Variants in PAK5 observed in about 807,000 individuals in gnomAD.
PAK5 encodes serine/threonine-protein kinase PAK 5.
PAK5 carries 16 observed loss-of-function variants against 65.9 expected under a neutral mutation model. That is an observed-to-expected ratio of 0.24 (90% CI 0.16 to 0.37). The LOEUF (loss-of-function observed/expected upper bound fraction) is 0.37. PAK5 is among the 10% of genes least tolerant of loss of function. The pLI, the probability that PAK5 is intolerant of heterozygous loss-of-function variation, is 1.00. For synonymous variants in PAK5, 371 were observed against 354.9 expected (o/e 1.05, Z -0.51); for missense variants, 785 against 903.9 (o/e 0.87, Z 1.69).
intron 1 of PAK5, among the ~76,000 whole-genome samples, chr20:9,761,127 T>C (rs2048694725): frequency 6.6e-6 from 1 of 152,108 alleles, no homozygotes; most frequent in Non-Finnish European, 1.5e-5. Context: ...GCAACAGAAG[T>C]TTAAAAGGAG....
chr20:9,787,000 T>C (rs1162797250), intron 1 of PAK5, among the ~76,000 whole-genome samples: 2 of 152,152 alleles, frequency 1.3e-5, no homozygotes, highest in Admixed American at 1.3e-4. Flanking sequence ...TATTTCTGAA[T>C]CACTCCTCAT....
intron 1 of PAK5, among the ~76,000 whole-genome samples, chr20:9,832,286 TAATGGTGACAGAGTATC>T (rs1215286794): frequency 6.6e-6 from 1 of 152,084 alleles, no homozygotes; most frequent in Admixed American, 6.5e-5. Flanking sequence ...TTCTTTTTTT[TAATGGTGACAGAGTATC>T]ACTCTGTCAC....
intron 2 of PAK5, among the ~76,000 whole-genome samples, chr20:9,648,788 T>C (rs1413407867): frequency 6.6e-6 from 1 of 152,212 alleles, no homozygotes; most frequent in Non-Finnish European, 1.5e-5. Flanking sequence ...GGCTGCCCTG[T>C]ATTTACCTTC....
chr20:9,700,262 T>C (rs181727462), intron 2 of PAK5, among the ~76,000 whole-genome samples: 1 of 152,064 alleles, frequency 6.6e-6, no homozygotes, highest in Admixed American at 6.5e-5. Flanking sequence ...AATAAAAGAA[T>C]TAGCTGGACG....
chr20:9,698,817 A>T (rs1391133229), intron 2 of PAK5, among the ~76,000 whole-genome samples: 1 of 152,212 alleles, frequency 6.6e-6, no homozygotes, highest in African/African-American at 2.4e-5. Flanking sequence ...ACCAGTGAGA[A>T]TTCCATGGAA....
intron 1 of PAK5, among the ~76,000 whole-genome samples, chr20:9,765,799 G>A (rs1276573764): frequency 1.3e-5 from 2 of 152,156 alleles, no homozygotes; most frequent in African/African-American, 2.4e-5. Context: ...AAGAAGACTT[G>A]AGAGGAAATT....
At chr20:9,616,388 A>G (rs6056759) in intron 3 of PAK5, among the ~76,000 whole-genome samples, 4 of 152,328 alleles carry the variant, frequency 2.6e-5, no homozygotes, top group African/African-American at 9.6e-5. Flanking sequence ...GATGTGCCCA[A>G]TGTTCATCCT....
rs1276080051 is a variant in PAK5 at position 9,569,535 on chromosome 20, T to C, written c.991-3151A>G. 2.6e-5 allele frequency among the ~76,000 whole-genome samples: 4 copies of C among 152,278 alleles called. No individual in the cohort carries two copies. The East Asian group carries it at 5.8e-4, about 22-fold the overall frequency. The stretch of plus-strand genomic sequence containing the variant: ...AGGAAACTAAGGAAGCAAGGTGTCC[T>C]GGAGCCAAGGGAGGAAAGTATTTCA... On this transcript the variant is annotated intron_variant, in intron 4 of 9. Transcript: ENST00000353224.
At chr20:9,573,132 T>G (rs1052222635) in intron 4 of PAK5, among the ~76,000 whole-genome samples, 1 of 151,992 alleles carries the variant, frequency 6.6e-6, no homozygotes, top group Non-Finnish European at 1.5e-5. Context: ...TAACATACAC[T>G]TGTTTTTTAG....
chr20:9,599,120 A>T (rs1383359145), intron 3 of PAK5, among the ~76,000 whole-genome samples: 1 of 152,154 alleles, frequency 6.6e-6, no homozygotes, highest in East Asian at 1.9e-4. Context: ...ATCACACAAG[A>T]CTTGTTCTTT....
intron 2 of PAK5, among the ~76,000 whole-genome samples, chr20:9,646,577 C>G (rs2123283574): frequency 6.6e-6 from 1 of 152,280 alleles, no homozygotes; most frequent in Non-Finnish European, 1.5e-5. Context: ...GTAAAGGAAC[C>G]CTGCTGTCAT....
At chr20:9,563,136 G>T in intron 5 of PAK5, 112 bp from the exon 6 acceptor site, 1 of 955,348 alleles carries the variant, frequency 1.0e-6, no homozygotes, top group East Asian at 2.5e-5. Flanking sequence ...TGATTGTGGG[G>T]AAGTTTATTC....
At chr20:9,711,011 T>G (rs1327820663) in intron 2 of PAK5, among the ~76,000 whole-genome samples, 1 of 152,178 alleles carries the variant, frequency 6.6e-6, no homozygotes, top group African/African-American at 2.4e-5. Context: ...CCTCATCCCT[T>G]ATCTCGTTAA....
At chr20:9,802,280 GGTT>G (rs1424464850) in intron 1 of PAK5, among the ~76,000 whole-genome samples, 1 of 152,092 alleles carries the variant, frequency 6.6e-6, no homozygotes, top group Non-Finnish European at 1.5e-5. Context: ...AGGTTAGCTA[GGTT>G]GTACTCACGA....
chr20:9,833,589 A>C (rs1413254851), intron 1 of PAK5, among the ~76,000 whole-genome samples: 1 of 151,094 alleles, frequency 6.6e-6, no homozygotes, highest in Non-Finnish European at 1.5e-5. Flanking sequence ...CCATCTTACC[A>C]CCACCACTCA....
chr20:9,637,608 T>G (rs900225613), intron 3 of PAK5, among the ~76,000 whole-genome samples: 3 of 152,056 alleles, frequency 2.0e-5, no homozygotes, highest in African/African-American at 7.2e-5. Context: ...AGTAGAGAAA[T>G]GGATAAATTG....
chr20:9,595,997 A>G (rs1248433827), intron 3 of PAK5, among the ~76,000 whole-genome samples: 1 of 152,078 alleles, frequency 6.6e-6, no homozygotes, highest in African/African-American at 2.4e-5. Context: ...TCCTTCCATA[A>G]TTTACGTGTT....
chr20:9,577,721 CA>C (rs1038868610), intron 4 of PAK5: 2 of 152,216 alleles, frequency 1.3e-5, no homozygotes, highest in Admixed American at 6.5e-5. Context: ...TCCCACAAAA[CA>C]AAAACCTGCT....
At chr20:9,790,396 G>T (rs2049037972) in intron 1 of PAK5, among the ~76,000 whole-genome samples, 2 of 151,912 alleles carry the variant, frequency 1.3e-5, no homozygotes. Flanking sequence ...AGGGGAGAGG[G>T]AAAACCATTC....
Sources: allele counts gnomAD v4.1 joint callset (sites outside exome capture counted in the v4.1 genomes callset), GRCh38; gene constraint gnomAD v4.1.1; transcripts MANE v1.5; gene names NCBI Gene and HGNC (gene_info 2026-07-23, HGNC 2026-07-21).